Variants in DCLK3 observed in about 807,000 individuals in gnomAD.
The protein encoded by DCLK3 is doublecortin like kinase 3, also known as serine/threonine-protein kinase DCLK3.
In DCLK3, 30 loss-of-function variants were observed where a neutral mutation model predicts 46.4. The observed-to-expected ratio is 0.65, with a 90% CI of 0.48 to 0.88. The LOEUF (loss-of-function observed/expected upper bound fraction) is 0.88, where lower values mean the gene tolerates loss of function less well. Among genes scored for constraint, DCLK3 ranks in the 40% least tolerant of loss-of-function variants. DCLK3 has a pLI of 0.00. For synonymous variants in DCLK3, 401 were observed against 339.2 expected (o/e 1.18, Z -2.00); for missense variants, 846 against 907.1 (o/e 0.93, Z 0.87).
intron 2 of DCLK3, among the ~76,000 whole-genome samples, chr3:36,732,298 G>T (rs1701208297): frequency 6.6e-6 from 1 of 152,220 alleles, no homozygotes; most frequent in Admixed American, 6.5e-5. Flanking sequence ...CAGTCCTCAA[G>T]ATGATCCAGT....
intron 2 of DCLK3, 36 bp from the exon 3 acceptor site, chr3:36,721,695 G>C (rs776512376): frequency 6.2e-7 from 1 of 1,613,546 alleles, no homozygotes; most frequent in Admixed American, 1.7e-5. Flanking sequence ...CACCAAAATT[G>C]TGATTAGAAC....
At chr3:36,762,117 A>C (rs898744630) in intron 1 of DCLK3, among the ~76,000 whole-genome samples, 5 of 152,110 alleles carry the variant, frequency 3.3e-5, no homozygotes, top group Admixed American at 2.0e-4. Flanking sequence ...CCAAAGAAGC[A>C]CTGATCAGGG....
At chr3:36,746,560 A>G (rs1322799075) in intron 1 of DCLK3, among the ~76,000 whole-genome samples, 1 of 151,962 alleles carries the variant, frequency 6.6e-6, no homozygotes, top group Non-Finnish European at 1.5e-5. Flanking sequence ...CACTTCCTCC[A>G]CTGCTGGCTT....
intron 1 of DCLK3, among the ~76,000 whole-genome samples, chr3:36,757,486 CA>C (rs36122014): frequency 2.0e-5 from 3 of 150,980 alleles, no homozygotes; most frequent in Admixed American, 6.6e-5. Flanking sequence ...ATACAGAAAA[CA>C]AAAAAAAAGT....
intron 2 of DCLK3, among the ~76,000 whole-genome samples, chr3:36,735,088 C>T (rs1337418327): frequency 1.3e-5 from 2 of 152,160 alleles, no homozygotes; most frequent in African/African-American, 2.4e-5. Flanking sequence ...TGTTTTAATG[C>T]TATAGTAGGC....
chr3:36,722,002 T>C (rs1478703217), intron 2 of DCLK3, among the ~76,000 whole-genome samples: 1 of 152,242 alleles, frequency 6.6e-6, no homozygotes, highest in Non-Finnish European at 1.5e-5. Context: ...GGCTTGTGGC[T>C]ACTATATTGG....
chr3:36,729,310 C>G (rs924199734), intron 2 of DCLK3, among the ~76,000 whole-genome samples: 2 of 151,936 alleles, frequency 1.3e-5, no homozygotes, highest in Non-Finnish European at 2.9e-5. Flanking sequence ...CCCCACATCT[C>G]CCTGTATCTC....
chr3:36,752,620 T>C (rs1467821001), intron 1 of DCLK3, among the ~76,000 whole-genome samples: 2 of 152,218 alleles, frequency 1.3e-5, no homozygotes, highest in Non-Finnish European at 2.9e-5. Context: ...ATTTCCCTCA[T>C]GAACATCCTT....
intron 1 of DCLK3, among the ~76,000 whole-genome samples, chr3:36,744,914 C>A (rs1701380529): frequency 6.6e-6 from 1 of 152,176 alleles, no homozygotes; most frequent in African/African-American, 2.4e-5. Flanking sequence ...CTGGGGTGAG[C>A]CAATAAACTC....
At position 36,713,301 on chromosome 3, in the gene DCLK3, C is replaced by T. The variant is rs565805165; in HGVS notation, c.*2027G>A. Reference sequence around the variant, plus strand: ...AAAAATGTGACATCATGGTAGTCAACAGGAGAAATTATTCAAAGAGAAAGT... The same window carrying T: ...AAAAATGTGACATCATGGTAGTCAATAGGAGAAATTATTCAAAGAGAAAGT... On this transcript the variant is annotated 3_prime_UTR_variant, in exon 5 of 5. Transcript: ENST00000636136. 76 of 152,180 alleles carry T rather than the reference C, an allele frequency of 5.0e-4. No homozygotes were observed. Among genetic ancestry groups the T allele is most frequent in the African/African-American group, 1.8e-3 (75 of 41,530 alleles). The allele number at this position is 152,180 out of a possible 1,614,324, so 9.4% of individuals were successfully genotyped here. A position where few individuals can be genotyped will look rare whatever the true frequency, so the allele number is the denominator to read the frequency against.
chr3:36,756,592 A>G (rs1222867517), intron 1 of DCLK3, among the ~76,000 whole-genome samples: 2 of 152,192 alleles, frequency 1.3e-5, no homozygotes, highest in African/African-American at 4.8e-5. Flanking sequence ...AAACCGAAAC[A>G]ACATCTGAAC....
At chr3:36,756,569 T>C (rs1322850716) in intron 1 of DCLK3, among the ~76,000 whole-genome samples, 1 of 152,166 alleles carries the variant, frequency 6.6e-6, no homozygotes, top group Non-Finnish European at 1.5e-5. Flanking sequence ...GGGACTTTGG[T>C]TGTAGCCCTC....
chr3:36,733,950 T>C (rs1346988625), intron 2 of DCLK3, among the ~76,000 whole-genome samples: 1 of 152,210 alleles, frequency 6.6e-6, no homozygotes, highest in African/African-American at 2.4e-5. Flanking sequence ...TAATCAAAAG[T>C]TAGTTCTGAC....
intron 1 of DCLK3, chr3:36,739,770 C>T (rs1701324722): frequency 6.6e-6 from 1 of 152,260 alleles, no homozygotes. Context: ...GTAAACACAA[C>T]TCCAGCTACC....
At chr3:36,731,096 G>A (rs1186017475) in intron 2 of DCLK3, among the ~76,000 whole-genome samples, 5 of 152,128 alleles carry the variant, frequency 3.3e-5, no homozygotes, top group Admixed American at 3.3e-4. Flanking sequence ...TCTGAGCAAA[G>A]AAGTCACTGT....
intron 1 of DCLK3, among the ~76,000 whole-genome samples, chr3:36,759,028 A>G (rs1388551257): frequency 6.6e-6 from 1 of 152,228 alleles, no homozygotes; most frequent in African/African-American, 2.4e-5. Flanking sequence ...TTATGTGGTC[A>G]TATGAAAGCT....
intron 2 of DCLK3, among the ~76,000 whole-genome samples, chr3:36,724,243 G>A (rs1476074307): frequency 5.9e-5 from 9 of 152,140 alleles, no homozygotes; most frequent in Admixed American, 3.3e-4. Flanking sequence ...CCTGTACCCC[G>A]ACTGTATCTA....
At chr3:36,747,931 G>C (rs1216108106) in intron 1 of DCLK3, among the ~76,000 whole-genome samples, 1 of 152,190 alleles carries the variant, frequency 6.6e-6, no homozygotes, top group Admixed American at 6.5e-5. Context: ...ACGTTTGCTT[G>C]AAATGCACTG....
chr3:36,763,357 G>A (rs1331326794), intron 1 of DCLK3, among the ~76,000 whole-genome samples: 5 of 152,256 alleles, frequency 3.3e-5, no homozygotes, highest in African/African-American at 1.2e-4. Flanking sequence ...CTCTGAAAAG[G>A]TGTCCCCAGA....
Sources: gnomAD v4.1 joint callset for allele counts (sites outside exome capture counted in the v4.1 genomes callset) on GRCh38, gnomAD v4.1.1 for gene constraint, MANE v1.5 for transcripts, NCBI Gene and HGNC (gene_info 2026-07-23, HGNC 2026-07-21) for gene names.